ATXN2: variants seen among roughly 807,000 people sequenced by gnomAD.
The protein encoded by ATXN2 is ataxin-2.
In ATXN2, 37 loss-of-function variants were observed where a neutral mutation model predicts 138.6. That is an observed-to-expected ratio of 0.27 (90% CI 0.21 to 0.35). The LOEUF (loss-of-function observed/expected upper bound fraction) is 0.35, where lower values mean the gene tolerates loss of function less well. Ranked by LOEUF, ATXN2 falls within the 10% of genes least tolerant of loss-of-function variation. The pLI is 1.00. For missense variants in ATXN2, 1,216 were observed against 1,480.3 expected, an observed-to-expected ratio of 0.82 and a Z score of 2.93; for synonymous variants, 549 against 543.7, an observed-to-expected ratio of 1.01 and a Z score of -0.13.
In ATXN2 at chr12:111,598,978, TTGCTGCTGCTGCTGCTGCTGCTGC is replaced by T. The variant is rs193922927; in HGVS notation, c.33_56del (p.Gln21_Gln28del). 6 of 1,292,926 alleles carry T rather than the reference TTGCTGCTGCTGCTGCTGCTGCTGC, an allele frequency of 4.6e-6. No individual in the cohort carries two copies. Among genetic ancestry groups the T allele is most frequent in the Non-Finnish European group, 3.1e-6 (3 of 974,842 alleles). 80.1% of individuals were successfully genotyped at this position (1,292,926 alleles called of 1,614,324 possible). A position where few individuals can be genotyped will look rare whatever the true frequency, so the allele number is the denominator to read the frequency against. On this transcript the variant is annotated inframe_deletion, in exon 1 of 25. Coordinates refer to ENST00000673436, the MANE Select transcript of ATXN2 (RefSeq NM_001372574.1). This position sits in a 1 kb window ranked among gnomAD's most constrained non-coding sequence, Gnocchi z 4.5. ...GCTGCTGCTGCTGCTGCTGCTGCTG[TTGCTGCTGCTGCTGCTGCTGCTGC>T]TGCTGCTGCTGCTGCTGGGGCTTCA... is the stretch of plus-strand genomic sequence containing the variant.
chr12:111,485,971 A>G, intron 16 of ATXN2, 106 bp from the exon 17 acceptor site: 5 of 1,107,700 alleles, frequency 4.5e-6, no homozygotes, highest in Non-Finnish European at 6.2e-6. Context: ...TGCTTTAACT[A>G]TGTCCCTTTT....
rs533411131 is a variant in ATXN2, at chr12:111,566,335, G to C, written c.252-10416C>G. Among the ~76,000 whole-genome samples the C allele has an allele frequency of 3.7e-4, 56 of 151,748 alleles. 1 individual carries two copies. Among genetic ancestry groups the C allele is most frequent in the Non-Finnish European group, 6.2e-4 (42 of 67,964 alleles). ...TAATCCCAGCTACTCAGGAGGCTGA[G>C]GCAGGAGAATTGCTTGAACCCGGGA... On this transcript the variant is annotated intron_variant, in intron 1 of 24. Transcript: ENST00000673436.
intron 21 of ATXN2, among the ~76,000 whole-genome samples, chr12:111,459,731 C>T (rs942739639): frequency 6.7e-5 from 10 of 149,748 alleles, no homozygotes; most frequent in South Asian, 2.1e-4. Context: ...TGAGCCACTG[C>T]GCCCGGCCAT....
intron 1 of ATXN2, among the ~76,000 whole-genome samples, chr12:111,572,518 A>G (rs1325357149): frequency 6.6e-6 from 1 of 152,200 alleles, no homozygotes; most frequent in Non-Finnish European, 1.5e-5. Flanking sequence ...GTGATTTTTA[A>G]GCAGAGGGGT....
At chr12:111,592,782 CAA>C (rs71083183) in intron 1 of ATXN2, among the ~76,000 whole-genome samples, 20 of 26,030 alleles carry the variant, frequency 7.7e-4, no homozygotes, top group Admixed American at 2.9e-3. Context: ...GACTCCGTCT[CAA>C]AAAAAAAAAA....
At chr12:111,573,976 T>C (rs1477388538) in intron 1 of ATXN2, among the ~76,000 whole-genome samples, 4 of 151,242 alleles carry the variant, frequency 2.6e-5, no homozygotes, top group Non-Finnish European at 5.9e-5. Flanking sequence ...TAATAATAAA[T>C]AGACATTCTT....
Position 111,516,017 on chromosome 12 carries a change from T to C in ATXN2, c.1375+137A>G. 1 of 792,386 alleles carries C rather than the reference T, an allele frequency of 1.3e-6. No individual in the cohort carries two copies. Among genetic ancestry groups the C allele is most frequent in the South Asian group, 2.1e-5 (1 of 47,880 alleles). 49.1% of individuals were successfully genotyped at this position (792,386 alleles called of 1,614,324 possible). On this transcript the variant is annotated intron_variant, in intron 10 of 24. Coordinates refer to ENST00000673436, the MANE Select transcript of ATXN2 (RefSeq NM_001372574.1). The surrounding 1 kb of genome is among the most constrained non-coding windows in gnomAD (Gnocchi z 5.0). ...CTAATGAACAAAAGGTTAATAGAAATAGTTTTAATAAACTAAAGTTAAAAC... is the reference window on the plus strand; with the variant it reads ...CTAATGAACAAAAGGTTAATAGAAACAGTTTTAATAAACTAAAGTTAAAAC...
rs540588163 is a variant in ATXN2, at chr12:111,500,348, A to C, written c.1935+9201T>G. Reference sequence around the variant, plus strand: ...CACTGGAGGACATTATGTTAAGTAAAATAAGCCAGGGACAGAAAGATAAAC... The same window carrying C: ...CACTGGAGGACATTATGTTAAGTAACATAAGCCAGGGACAGAAAGATAAAC... On this transcript the variant is annotated intron_variant, in intron 14 of 24. Coordinates refer to ENST00000673436, the MANE Select transcript of ATXN2 (RefSeq NM_001372574.1). Among the ~76,000 whole-genome samples the C allele has an allele frequency of 1.7e-4, 26 of 152,332 alleles. No individual in the cohort carries two copies. The South Asian group carries it at 5.2e-3, about 30-fold the overall frequency.
chr12:111,463,523 C>T (rs1875750724), intron 21 of ATXN2, among the ~76,000 whole-genome samples: 1 of 152,180 alleles, frequency 6.6e-6, no homozygotes, highest in South Asian at 2.1e-4. Flanking sequence ...GCAATCCACC[C>T]ACCTCGGCCT....
At chr12:111,559,578 C>T (rs1475419450) in intron 1 of ATXN2, among the ~76,000 whole-genome samples, 2 of 151,068 alleles carry the variant, frequency 1.3e-5, no homozygotes, top group Non-Finnish European at 3.0e-5. Context: ...TCAAGACCAG[C>T]CTGACCAATA....
intron 6 of ATXN2, among the ~76,000 whole-genome samples, chr12:111,522,601 C>G (rs977258809): frequency 5.3e-5 from 8 of 150,992 alleles, no homozygotes; most frequent in African/African-American, 1.9e-4. Flanking sequence ...CAGAGCGAGA[C>G]TCCATCTTAA....
At chr12:111,542,119 T>C (rs886910068) in intron 5 of ATXN2, among the ~76,000 whole-genome samples, 1 of 146,862 alleles carries the variant, frequency 6.8e-6, no homozygotes, top group African/African-American at 2.4e-5. Flanking sequence ...TTGACAACGT[T>C]GTAGTATTAA....
chr12:111,526,937 G>T (rs977466128), intron 5 of ATXN2, among the ~76,000 whole-genome samples: 2 of 152,116 alleles, frequency 1.3e-5, no homozygotes, highest in African/African-American at 4.8e-5. Context: ...AGGCCCTACA[G>T]TATTACCTGT....
intron 18 of ATXN2, among the ~76,000 whole-genome samples, chr12:111,484,089 A>AT (rs1877464502): frequency 6.6e-6 from 1 of 152,122 alleles, no homozygotes; most frequent in Non-Finnish European, 1.5e-5. Context: ...TAGCCGAAAC[A>AT]TCCTTCTAAT....
chr12:111,508,453 T>A, intron 14 of ATXN2, among the ~76,000 whole-genome samples: 1 of 144,234 alleles, frequency 6.9e-6, no homozygotes, highest in African/African-American at 2.6e-5. Flanking sequence ...TTTTTTTTTT[T>A]TTTTTTTTTT....
At chr12:111,592,844 G>A (rs58350765) in intron 1 of ATXN2, among the ~76,000 whole-genome samples, 13,521 of 138,006 alleles carry the variant, frequency 0.098, 2,340 homozygotes, top group African/African-American at 0.34. Flanking sequence ...TTACATCTCC[G>A]TTGAAGTTGT....
chr12:111,463,751 T>C (rs1429797004), intron 21 of ATXN2, among the ~76,000 whole-genome samples: 1 of 152,130 alleles, frequency 6.6e-6, no homozygotes, highest in Admixed American at 6.5e-5. Context: ...TCATGATCTC[T>C]TGCTTAAGCT....
rs1466157720 is a variant in ATXN2 at position 111,470,627 on chromosome 12, A to G, written c.2640T>C (p.Tyr880=). Residue 880 remains tyrosine, a synonymous_variant, in exon 19 of 25, where the codon TAT becomes TAC. Transcript: ENST00000673436. Reference sequence around the variant, plus strand: ...GGAACTGCTGAGGACTGTAGGCAACATATTGCGTGGAGTAAGCTGGTGGGG... The same window carrying G: ...GGAACTGCTGAGGACTGTAGGCAACGTATTGCGTGGAGTAAGCTGGTGGGG... ...AATPPAYSTQ[Y]VAYSPQQFPN... The G allele has an allele frequency of 1.9e-6, 3 of 1,614,070 alleles. No homozygotes were observed. Among genetic ancestry groups the G allele is most frequent in the African/African-American group, 2.7e-5 (2 of 74,920 alleles).
intron 5 of ATXN2, among the ~76,000 whole-genome samples, chr12:111,540,796 G>T (rs1198826495): frequency 6.8e-6 from 1 of 146,300 alleles, no homozygotes; most frequent in Non-Finnish European, 1.5e-5. Context: ...CCAAATTCAA[G>T]CAATTCTCCT....
Sources: gnomAD v4.1 joint callset for allele counts (sites outside exome capture counted in the v4.1 genomes callset) on GRCh38, gnomAD v4.1.1 for gene constraint, Gnocchi (gnomAD v3.1) non-coding constraint, MANE v1.5 for transcripts, NCBI Gene and HGNC (gene_info 2026-07-23, HGNC 2026-07-21) for gene names.